CCDC14: variants seen among roughly 807,000 people sequenced by gnomAD.
CCDC14 encodes coiled-coil domain-containing protein 14.
In CCDC14, 71 loss-of-function variants were observed where a neutral mutation model predicts 81.4. The ratio of observed to expected loss-of-function variants is 0.87; its 90% CI spans 0.72 to 1.06. CCDC14 has a LOEUF of 1.06. CCDC14 is among the 50% of genes least tolerant of loss of function. The probability of loss-of-function intolerance (pLI) is 0.00; values close to 1 mark genes in which losing one functional copy is unlikely to be tolerated. For missense variants in CCDC14, 1,046 were observed against 1,047.3 expected, an observed-to-expected ratio of 1.00 and a Z score of 0.02; for synonymous variants, 332 against 364.8, an observed-to-expected ratio of 0.91 and a Z score of 1.03.
chr3:123,960,941 A>G (rs1041983356), intron 1 of CCDC14, among the ~76,000 whole-genome samples: 26 of 152,222 alleles, frequency 1.7e-4, no homozygotes, highest in African/African-American at 6.3e-4. Flanking sequence ...TAGGGCTACG[A>G]CGATTTAAAC....
rs1454352090 is a variant in CCDC14 at position 123,931,249 on chromosome 3, G to A, written c.1646-15C>T. ...TTCCTCCAATTCTAAAACAACAAAAGTTTCAGTTTCCTTATTCCTTTTAAA... is the reference window on the plus strand; with the variant it reads ...TTCCTCCAATTCTAAAACAACAAAAATTTCAGTTTCCTTATTCCTTTTAAA... On this transcript the variant is annotated splice_polypyrimidine_tract_variant and intron_variant, in intron 11 of 12. Transcript: ENST00000409697. 1 of 1,593,312 alleles carries A rather than the reference G, an allele frequency of 6.3e-7. No individual in the cohort carries two copies. The highest frequency in any genetic ancestry group is 8.5e-7 in the Non-Finnish European group (1 of 1,172,830).
intron 12 of CCDC14, among the ~76,000 whole-genome samples, chr3:123,923,541 G>A (rs1463936854): frequency 3.3e-5 from 5 of 151,922 alleles, no homozygotes; most frequent in African/African-American, 9.6e-5. Context: ...CCAAAAAACT[G>A]TTTTGCTTAT....
chr3:123,933,794 A>T (rs780468206), intron 9 of CCDC14, 39 bp from the exon 10 acceptor site: 2 of 1,377,360 alleles, frequency 1.5e-6, no homozygotes, highest in East Asian at 5.0e-5. Context: ...CAAGCATACC[A>T]AGCCAATTTA....
intron 5 of CCDC14, among the ~76,000 whole-genome samples, chr3:123,950,832 T>A (rs554371017): frequency 6.6e-6 from 1 of 151,842 alleles, no homozygotes; most frequent in Non-Finnish European, 1.5e-5. Context: ...AAGTAGAGAA[T>A]CCCTCAAATA....
chr3:123,922,350 A>G (rs1388535971), intron 12 of CCDC14, among the ~76,000 whole-genome samples: 1 of 152,162 alleles, frequency 6.6e-6, no homozygotes, highest in African/African-American at 2.4e-5. Flanking sequence ...TAGCAGAAGG[A>G]AGAAATCACA....
downstream of CCDC14, among the ~76,000 whole-genome samples, chr3:123,911,354 T>C (rs1023985186): frequency 6.6e-6 from 1 of 152,164 alleles, no homozygotes; most frequent in Non-Finnish European, 1.5e-5. Context: ...TGTTAAGGTA[T>C]GCTATAGTCT....
chr3:123,910,330 G>A (rs2034415662), downstream of CCDC14, among the ~76,000 whole-genome samples: 1 of 152,024 alleles, frequency 6.6e-6, no homozygotes, highest in South Asian at 2.1e-4. Context: ...CAATCTAATG[G>A]TCGTCCGCCT....
At chr3:123,910,999 T>C (rs1483372876), downstream of CCDC14, among the ~76,000 whole-genome samples, 1 of 152,164 alleles carries the variant, frequency 6.6e-6, no homozygotes, top group Non-Finnish European at 1.5e-5. Flanking sequence ...ACAGAAGTAG[T>C]ACTGTGGATT....
At chr3:123,922,012 C>A (rs1203550947) in intron 12 of CCDC14, among the ~76,000 whole-genome samples, 1 of 152,096 alleles carries the variant, frequency 6.6e-6, no homozygotes, top group Non-Finnish European at 1.5e-5. Flanking sequence ...TTTAAGGAGA[C>A]TAGAATCATA....
Position 123,931,538 on chromosome 3 carries a change from A to T in CCDC14, c.1427-12T>A. The T allele has an allele frequency of 1.4e-6, 2 of 1,416,662 alleles. No homozygotes were observed. Among genetic ancestry groups the T allele is most frequent in the Non-Finnish European group, 1.9e-6 (2 of 1,039,750 alleles). 87.8% of individuals were successfully genotyped at this position (1,416,662 alleles called of 1,614,324 possible). A position where few individuals can be genotyped will look rare whatever the true frequency, so the allele number is the denominator to read the frequency against. Reference sequence around the variant, plus strand: ...CTGAAGAGAAAACACTGTTAAGACAAAATGGATCAAATAGTTGTTTCCCAA... The same window carrying T: ...CTGAAGAGAAAACACTGTTAAGACATAATGGATCAAATAGTTGTTTCCCAA... On this transcript the variant is annotated splice_polypyrimidine_tract_variant and intron_variant, in intron 10 of 12. Coordinates refer to ENST00000409697, the MANE Select transcript of CCDC14 (RefSeq NM_001366335.1).
At position 123,931,192 on chromosome 3, in the gene CCDC14, T is replaced by C. The variant is rs566181479; in HGVS notation, c.1688A>G (p.Lys563Arg). 12 of 1,612,910 alleles carry C rather than the reference T, an allele frequency of 7.4e-6. No individual in the cohort carries two copies. In the East Asian group the frequency reaches 1.3e-4, roughly 18 times the overall value. Residue 563 changes from lysine to arginine, a missense_variant, in exon 12 of 13, where the codon AAG (lysine) becomes AGG (arginine). Physicochemically the swap from Lys to Arg is conservative, Grantham distance 26. Transcript: ENST00000409697. ...GTTTTCCTTTTCAGCAGTTTCTAAC[T>C]TAAACTGGGAGCTTTTCACATTGAC... ...ALVNVKSSQF[K>R]LETAEKENQI...
chr3:123,947,340 G>A (rs759777199), intron 7 of CCDC14, 21 bp from the exon 8 acceptor site: 29 of 1,573,750 alleles, frequency 1.8e-5, no homozygotes, highest in Non-Finnish European at 7.8e-6. Context: ...ATAAAAACAA[G>A]TCTTCAGAAG....
At position 123,915,365 on chromosome 3, in the gene CCDC14, T is replaced by C. The variant is rs1031586848; in HGVS notation, c.2132A>G (p.Asp711Gly). 6.2e-7 allele frequency: 1 copy of C among 1,613,770 alleles called. No individual in the cohort carries two copies. Reference sequence around the variant, plus strand: ...TAAAGCCATAGTTTCACTCCCTTCATCAGAATCCTGTTTTGAAAGGGCAGA... The same window carrying C: ...TAAAGCCATAGTTTCACTCCCTTCACCAGAATCCTGTTTTGAAAGGGCAGA... ...IISALSKQDS[D>G]EGSETMALIE... Residue 711 changes from aspartate (D) to glycine (G), a missense_variant, in exon 13 of 13, where the codon GAT becomes GGT. Asp to Gly is a moderately conservative substitution (Grantham distance 94). Coordinates refer to ENST00000409697, the MANE Select transcript of CCDC14 (RefSeq NM_001366335.1).
intron 12 of CCDC14, among the ~76,000 whole-genome samples, chr3:123,917,498 C>CAA (rs1378814354): frequency 4.1e-5 from 5 of 121,846 alleles, no homozygotes; most frequent in Non-Finnish European, 8.8e-5. Context: ...CCATCTCAAC[C>CAA]AAAAAAAAAA....
At chr3:123,891,922 T>C in the CCDC14 span, among the ~76,000 whole-genome samples, 1 of 152,166 alleles carries the variant, frequency 6.6e-6, no homozygotes, top group Non-Finnish European at 1.5e-5. Flanking sequence ...GGACTTACAG[T>C]TACTCATGGC....
intron 7 of CCDC14, 80 bp from the exon 8 acceptor site, chr3:123,947,399 A>T: frequency 2.0e-5 from 18 of 883,598 alleles, no homozygotes; most frequent in Non-Finnish European, 3.1e-5. Flanking sequence ...CAAATATATG[A>T]AATATATTTA....
intron 5 of CCDC14, chr3:123,897,655 G>T: frequency 2.1e-6 from 2 of 949,010 alleles, no homozygotes; most frequent in Non-Finnish European, 2.7e-6. Flanking sequence ...TATAAACTTG[G>T]GATTACATTC....
chr3:123,956,476 T>C (rs1255798554), intron 2 of CCDC14, 49 bp from the exon 3 acceptor site: 6 of 1,277,766 alleles, frequency 4.7e-6, no homozygotes, highest in East Asian at 5.1e-5. Flanking sequence ...TCCCAAAATA[T>C]ATTAGTAAGT....
chr3:123,918,386 T>C (rs2034832500), intron 12 of CCDC14, among the ~76,000 whole-genome samples: 2 of 152,140 alleles, frequency 1.3e-5, no homozygotes, highest in African/African-American at 4.8e-5. Context: ...TTTTAATAAG[T>C]CTTAAAAATC....
Sources: allele counts gnomAD v4.1 joint callset (sites outside exome capture counted in the v4.1 genomes callset), GRCh38; gene constraint gnomAD v4.1.1; transcripts MANE v1.5; gene names NCBI Gene and HGNC (gene_info 2026-07-23, HGNC 2026-07-21).